The following ARSB variants were observed in gnomAD, a reference collection of about 807,000 sequenced individuals.
ARSB encodes the protein arylsulfatase B, also known as N-acetylgalactosamine-4-sulfatase.
Under a neutral mutation model 50.9 loss-of-function variants are expected in ARSB, and 41 were observed. That is an observed-to-expected ratio of 0.81 (90% CI 0.63 to 1.04). ARSB has a LOEUF of 1.04. Among genes scored for constraint, ARSB ranks in the 50% least tolerant of loss-of-function variants. The pLI, the probability that ARSB is intolerant of heterozygous loss-of-function variation, is 0.00. For missense variants in ARSB, 672 were observed against 693.3 expected (o/e 0.97, Z 0.35); for synonymous variants, 269 against 284.8 (o/e 0.94, Z 0.56).
At chr5:78,913,254 A>G (rs1417154629) in intron 4 of ARSB, among the ~76,000 whole-genome samples, 1 of 151,744 alleles carries the variant, frequency 6.6e-6, no homozygotes, top group African/African-American at 2.4e-5. Flanking sequence ...CCTCCCAAGT[A>G]GCTGGGACTA....
At chr5:78,954,896 T>A (rs181558183) in intron 4 of ARSB, among the ~76,000 whole-genome samples, 1 of 152,320 alleles carries the variant, frequency 6.6e-6, no homozygotes, top group East Asian at 1.9e-4. Context: ...AATGTCACAA[T>A]CTGTCTCTTT....
intron 4 of ARSB, among the ~76,000 whole-genome samples, chr5:78,932,887 C>T (rs1047924285): frequency 6.6e-6 from 1 of 152,176 alleles, no homozygotes; most frequent in Non-Finnish European, 1.5e-5. Context: ...AGCATCCTTC[C>T]GCCAACAGCT....
chr5:78,830,210 G>A (rs993185053), intron 6 of ARSB, among the ~76,000 whole-genome samples: 13 of 152,204 alleles, frequency 8.5e-5, no homozygotes, highest in African/African-American at 3.1e-4. Flanking sequence ...TTGGACATGA[G>A]ACAGTTTGGC....
chr5:78,853,990 C>G (rs1231279868), intron 5 of ARSB, among the ~76,000 whole-genome samples: 1 of 152,262 alleles, frequency 6.6e-6, no homozygotes, highest in East Asian at 1.9e-4. Flanking sequence ...GGAAAGGGAA[C>G]TCCCTGACCC....
At chr5:78,856,910 C>G (rs1263225101) in intron 5 of ARSB, among the ~76,000 whole-genome samples, 3 of 152,160 alleles carry the variant, frequency 2.0e-5, no homozygotes, top group Non-Finnish European at 4.4e-5. Context: ...GGGAGCAAAG[C>G]CTTTCAGGGT....
rs2112211473 is a variant in ARSB at position 78,885,700 on chromosome 5, C to T, written c.1026G>A (p.Val342=). The part of the protein sequence containing the change: ...VASPLLKQKG[V]KNRELIHISD... Reference sequence around the variant, plus strand: ...AGATGTGGATGAGCTCCCGGTTCTTCACGCCCTTCTGCTTCAGCAAGGGGC... The same window carrying T: ...AGATGTGGATGAGCTCCCGGTTCTTTACGCCCTTCTGCTTCAGCAAGGGGC... Residue 342 remains valine (V), a synonymous_variant, in exon 5 of 8, where the codon GTG becomes GTA. Coordinates refer to ENST00000264914, the MANE Select transcript of ARSB (RefSeq NM_000046.5). The T allele has an allele frequency of 6.2e-7, 1 of 1,614,112 alleles. No individual in the cohort carries two copies. The highest frequency in any genetic ancestry group is 8.5e-7 in the Non-Finnish European group (1 of 1,180,024).
At chr5:78,915,430 T>G (rs1749505052) in intron 4 of ARSB, among the ~76,000 whole-genome samples, 1 of 152,174 alleles carries the variant, frequency 6.6e-6, no homozygotes, top group African/African-American at 2.4e-5. Flanking sequence ...ACTTTGTTAA[T>G]GTCAGTCGAA....
At chr5:78,981,231 T>TGTAGA (rs1289511796) in intron 1 of ARSB, among the ~76,000 whole-genome samples, 3 of 4,666 alleles carry the variant, frequency 6.4e-4, no homozygotes, top group African/African-American at 3.5e-3. Context: ...ATTACAGGCG[T>TGTAGA]GAGCCACCGC....
At position 78,985,110 on chromosome 5, in the gene ARSB, G is replaced by C; in HGVS notation, c.139C>G (p.Leu47Val). Residue 47 changes from leucine to valine, a missense_variant, in exon 1 of 8, where the codon CTG (leucine) becomes GTG (valine). Transcript: ENST00000264914. ...AGGTCGTCTGCCAGCAAGAAGACCA[G>C]GTGGGGCGGCCGGCTGGCCCCGGCG... is the stretch of plus-strand genomic sequence containing the variant. ...SGAGASRPPHLVFLLADDLGW... is the reference protein window; with the variant it reads ...SGAGASRPPHVVFLLADDLGW... 1 of 1,507,580 alleles carries C rather than the reference G, an allele frequency of 6.6e-7. No individual in the cohort carries two copies. The highest frequency in any genetic ancestry group is 8.9e-7 in the Non-Finnish European group (1 of 1,126,414). The allele number at this position is 1,507,580 out of a possible 1,614,324, so 93.4% of individuals were successfully genotyped here. A position where few individuals can be genotyped will look rare whatever the true frequency, so the allele number is the denominator to read the frequency against.
chr5:78,798,478 C>T (rs931147699), intron 6 of ARSB, among the ~76,000 whole-genome samples: 46 of 151,904 alleles, frequency 3.0e-4, no homozygotes, highest in African/African-American at 1.1e-3. Flanking sequence ...GAGTCTCTGG[C>T]AAGGGATGAA....
At chr5:78,856,457 T>C (rs1378442834) in intron 5 of ARSB, among the ~76,000 whole-genome samples, 1 of 152,234 alleles carries the variant, frequency 6.6e-6, no homozygotes, top group African/African-American at 2.4e-5. Flanking sequence ...TCTTAATATA[T>C]GCCATATAGG....
intron 4 of ARSB, among the ~76,000 whole-genome samples, chr5:78,899,228 G>A (rs1441330040): frequency 6.6e-6 from 1 of 152,106 alleles, no homozygotes; most frequent in Non-Finnish European, 1.5e-5. Flanking sequence ...TTTCTCTGCT[G>A]CTTTTAGGAT....
intron 6 of ARSB, chr5:78,815,449 T>G (rs1743953510): frequency 1.2e-6 from 1 of 806,420 alleles, no homozygotes. Context: ...CACCCCTCTC[T>G]GTGCCAGAAA....
At chr5:78,886,608 A>G (rs17220863) in intron 4 of ARSB, among the ~76,000 whole-genome samples, 24,634 of 152,156 alleles carry the variant, frequency 0.16, 2,173 homozygotes, top group South Asian at 0.24. Flanking sequence ...TCCCAGCCAA[A>G]TGAGGGCTCA....
At chr5:78,973,058 C>T (rs1426760238) in intron 1 of ARSB, among the ~76,000 whole-genome samples, 1 of 152,134 alleles carries the variant, frequency 6.6e-6, no homozygotes, top group African/African-American at 2.4e-5. Flanking sequence ...CAGGCAAATG[C>T]CGAACTGGTT....
chr5:78,907,027 G>C (rs2112297382), intron 4 of ARSB, among the ~76,000 whole-genome samples: 1 of 152,232 alleles, frequency 6.6e-6, no homozygotes, highest in East Asian at 1.9e-4. Context: ...GCTTTCGAGG[G>C]AGGCAACATC....
chr5:78,833,867 C>CTGTT (rs1336336403), intron 6 of ARSB, among the ~76,000 whole-genome samples: 1 of 152,212 alleles, frequency 6.6e-6, no homozygotes, highest in Admixed American at 6.5e-5. Flanking sequence ...CACTTAGAAG[C>CTGTT]TGAATGAACA....
At chr5:78,820,979 G>GC (rs1744193624) in intron 6 of ARSB, among the ~76,000 whole-genome samples, 1 of 88,148 alleles carries the variant, frequency 1.1e-5, no homozygotes, top group Admixed American at 1.0e-4. Context: ...TATTATCTAT[G>GC]TAAAAAAAAA....
chr5:78,862,994 C>T (rs181027277), intron 5 of ARSB, among the ~76,000 whole-genome samples: 67 of 152,162 alleles, frequency 4.4e-4, no homozygotes, highest in South Asian at 3.1e-3. Context: ...AGCCAACAGA[C>T]GCATGAAAAA....
Sources: allele counts gnomAD v4.1 joint callset (sites outside exome capture counted in the v4.1 genomes callset), GRCh38; gene constraint gnomAD v4.1.1; transcripts MANE v1.5; gene names NCBI Gene and HGNC (gene_info 2026-07-23, HGNC 2026-07-21).